Variants in PIK3C3 observed in about 807,000 individuals in gnomAD.
PIK3C3 encodes the protein phosphatidylinositol 3-kinase catalytic subunit type 3, also known as PI3-kinase type 3.
A neutral mutation model predicts 126.1 loss-of-function variants in PIK3C3; 95 were observed. The observed-to-expected ratio is 0.75, with a 90% CI of 0.64 to 0.89. The LOEUF (loss-of-function observed/expected upper bound fraction) is 0.89. PIK3C3 is among the 40% of genes least tolerant of loss of function. The pLI, the probability that PIK3C3 is intolerant of heterozygous loss-of-function variation, is 0.00. For missense variants in PIK3C3, 829 were observed against 1,063.2 expected (o/e 0.78, Z 3.06); for synonymous variants, 374 against 360.0 (o/e 1.04, Z -0.44).
At chr18:41,987,930 T>C in intron 5 of PIK3C3, 32 bp downstream of exon 5, 1 of 1,287,316 alleles carries the variant, frequency 7.8e-7, no homozygotes, top group Non-Finnish European at 1.1e-6. Context: ...TTTTAAAATA[T>C]TTTCTGTAAA....
In PIK3C3 at chr18:42,024,511, C is replaced by T. The variant is rs537882387; in HGVS notation, c.1485-2932C>T. Among the ~76,000 whole-genome samples, 173 of 152,052 alleles carry T rather than the reference C, an allele frequency of 1.1e-3. 1 individual carries two copies. The highest frequency in any genetic ancestry group is 3.4e-4 in the Non-Finnish European group (23 of 68,004). ...AGTGCAATGGTGCGATCTTGGCTCACTGCAACCTCTGCCTCCCAGGTTCAA... is the reference window on the plus strand; with the variant it reads ...AGTGCAATGGTGCGATCTTGGCTCATTGCAACCTCTGCCTCCCAGGTTCAA... On this transcript the variant is annotated intron_variant, in intron 13 of 24. Transcript: ENST00000262039.
chr18:42,020,555 C>A, intron 12 of PIK3C3, 83 bp from the exon 13 acceptor site: 2 of 845,118 alleles, frequency 2.4e-6, no homozygotes, highest in South Asian at 1.7e-5. Flanking sequence ...CAGATGAAAA[C>A]TGATAGGCAA....
At chr18:42,067,906 A>T (rs562883532) in intron 24 of PIK3C3, among the ~76,000 whole-genome samples, 3 of 152,220 alleles carry the variant, frequency 2.0e-5, no homozygotes, top group Non-Finnish European at 4.4e-5. Context: ...CACACACCAG[A>T]AAGGTCTATC....
In PIK3C3 at chr18:41,995,970, T is replaced by C. The variant is rs940837854; in HGVS notation, c.867T>C (p.Asn289=). The C allele has an allele frequency of 1.2e-6, 2 of 1,610,538 alleles. No individual in the cohort carries two copies. The highest frequency in any genetic ancestry group is 1.3e-5 in the African/African-American group (1 of 74,956). Residue 289 remains asparagine (N), a synonymous_variant, in exon 8 of 25, where the codon AAT becomes AAC. Coordinates refer to ENST00000262039, the MANE Select transcript of PIK3C3 (RefSeq NM_002647.4). ...SGPSDHDLKP[N]AATRDQLNII... is the part of the protein sequence containing the mutation. ...CTTCTGACCACGATCTGAAACCCAA[T>C]GCTGCCACGAGAGATCAGTTAAATG...
chr18:42,068,767 A>G (rs776509105), intron 24 of PIK3C3, among the ~76,000 whole-genome samples: 43 of 151,914 alleles, frequency 2.8e-4, no homozygotes, highest in Admixed American at 9.2e-4. Context: ...TGACTAACAC[A>G]GTGAAACCCT....
At chr18:42,030,442 T>C (rs1213275131) in intron 15 of PIK3C3, among the ~76,000 whole-genome samples, 1 of 152,200 alleles carries the variant, frequency 6.6e-6, no homozygotes, top group African/African-American at 2.4e-5. Context: ...TGGTGACCTT[T>C]GTAAAACAAC....
chr18:41,968,123 AT>A (rs1210685701), intron 3 of PIK3C3, among the ~76,000 whole-genome samples: 1 of 152,168 alleles, frequency 6.6e-6, no homozygotes, highest in African/African-American at 2.4e-5. Context: ...TCTTCTCTAG[AT>A]CCATCCCAAG....
rs189480824 is a variant in PIK3C3, at chr18:41,958,409, G to A, written c.257+651G>A. Among the ~76,000 whole-genome samples, 15 of 152,282 alleles carry A rather than the reference G, an allele frequency of 9.9e-5. No homozygotes were observed. In the East Asian group the frequency reaches 2.9e-3, roughly 29 times the overall value. On this transcript the variant is annotated intron_variant, in intron 2 of 24. Transcript: ENST00000262039. Reference sequence around the variant, plus strand: ...GTTATTCAGCACTCTGGTAGGCTCAGTGTAGGATACACAGGCTGTATGCTT... The same window carrying A: ...GTTATTCAGCACTCTGGTAGGCTCAATGTAGGATACACAGGCTGTATGCTT...
Position 42,049,858 on chromosome 18 carries a change from A to G in PIK3C3, c.2263+253A>G, listed in dbSNP as rs147679725. On this transcript the variant is annotated intron_variant, in intron 21 of 24. Transcript: ENST00000262039. ...CGTGGTGGTACATGCCTGTAATCCCAACTACTCAGGAGGCTGAGGCAGGAG... is the reference window on the plus strand; with the variant it reads ...CGTGGTGGTACATGCCTGTAATCCCGACTACTCAGGAGGCTGAGGCAGGAG... 3.8e-4 allele frequency: 105 copies of G among 279,308 alleles called. 2 individuals are homozygous for G. Among genetic ancestry groups the G allele is most frequent in the East Asian group, 2.6e-3 (36 of 13,730 alleles). The allele number at this position is 279,308 out of a possible 1,614,324, so 17.3% of individuals were successfully genotyped here. A position where few individuals can be genotyped will look rare whatever the true frequency, so the allele number is the denominator to read the frequency against.
intron 15 of PIK3C3, among the ~76,000 whole-genome samples, chr18:42,031,404 A>G (rs566068033): frequency 6.6e-6 from 1 of 152,194 alleles, no homozygotes; most frequent in South Asian, 2.1e-4. Context: ...TTGAATTCTA[A>G]TAAAATGCCT....
In PIK3C3 at chr18:41,955,270, T is replaced by C; in HGVS notation, c.-22T>C. ...CCTGTACCTAAGTTCCCGCTGTAGGTGGTACCTTTGCAGACGGTGCGATGG... is the reference window on the plus strand; with the variant it reads ...CCTGTACCTAAGTTCCCGCTGTAGGCGGTACCTTTGCAGACGGTGCGATGG... On this transcript the variant is annotated 5_prime_UTR_variant, in exon 1 of 25. Transcript: ENST00000262039. The C allele has an allele frequency of 6.2e-7, 1 of 1,606,668 alleles. No individual in the cohort carries two copies. Among genetic ancestry groups the C allele is most frequent in the Non-Finnish European group, 8.5e-7 (1 of 1,174,668 alleles).
At chr18:42,080,025 G>GTGTA in intron 24 of PIK3C3, among the ~76,000 whole-genome samples, 1 of 149,576 alleles carries the variant, frequency 6.7e-6, no homozygotes, top group Admixed American at 6.7e-5. Context: ...GTGTGTGTGT[G>GTGTA]TGTATGATTC....
chr18:41,967,362 C>G (rs755786936), intron 3 of PIK3C3, among the ~76,000 whole-genome samples: 4 of 152,200 alleles, frequency 2.6e-5, no homozygotes, highest in Non-Finnish European at 4.4e-5. Flanking sequence ...GTGCCACTAC[C>G]ATTCTCATAA....
In PIK3C3 at chr18:42,029,403, A is replaced by G. The variant is rs1211942525; in HGVS notation, c.1669A>G (p.Lys557Glu). 6.2e-7 allele frequency: 1 copy of G among 1,613,208 alleles called. No homozygotes were observed. The highest frequency in any genetic ancestry group is 1.1e-5 in the South Asian group (1 of 91,082). Residue 557 changes from lysine (K) to glutamate (E), a missense_variant, in exon 15 of 25, where the codon AAG becomes GAG. Physicochemically the swap from Lys to Glu is moderately conservative, Grantham distance 56 (BLOSUM62 1). Transcript: ENST00000262039. ...TGTAGATCGGTTGGTGCATCTAATG[A>G]AGGCAGTACAACGCGAAAGTGGAAA... ...TFVDRLVHLMKAVQRESGNRK... is the reference protein window; with the variant it reads ...TFVDRLVHLMEAVQRESGNRK...
chr18:41,992,051 C>T (rs1223651622), intron 6 of PIK3C3, among the ~76,000 whole-genome samples: 1 of 152,072 alleles, frequency 6.6e-6, no homozygotes, highest in East Asian at 1.9e-4. Flanking sequence ...TGAAAGACAG[C>T]TTGATAGCAG....
At chr18:42,049,985 A>G (rs1409332385) in intron 21 of PIK3C3, 1 of 153,480 alleles carries the variant, frequency 6.5e-6, no homozygotes, top group African/African-American at 2.4e-5. Flanking sequence ...GAAAAAAAAA[A>G]AAAAAAAGAT....
intron 18 of PIK3C3, among the ~76,000 whole-genome samples, chr18:42,039,875 A>G (rs1338026116): frequency 2.0e-5 from 3 of 152,200 alleles, no homozygotes; most frequent in Non-Finnish European, 4.4e-5. Context: ...AAGAAACAAT[A>G]AATACCTGTT....
chr18:41,955,378 C>T lies in PIK3C3; in HGVS notation c.68+19C>T, dbSNP rs758591402. On this transcript the variant is annotated intron_variant, in intron 1 of 24. Transcript: ENST00000262039. The stretch of plus-strand genomic sequence containing the variant: ...TTAAGATGTAAGAGAACACTCGGGA[C>T]AGGGAGTGGGATTGCTGGGGCGTAG... 6.2e-7 allele frequency: 1 copy of T among 1,605,438 alleles called. No individual in the cohort carries two copies. The highest frequency in any genetic ancestry group is 8.5e-7 in the Non-Finnish European group (1 of 1,173,422).
chr18:41,966,260 C>T (rs1357868168), intron 3 of PIK3C3, among the ~76,000 whole-genome samples: 1 of 148,154 alleles, frequency 6.7e-6, no homozygotes, highest in Non-Finnish European at 1.5e-5. Context: ...ACCTCCGCCT[C>T]CTGGGTTCAA....
Sources: gnomAD v4.1 joint callset for allele counts (sites outside exome capture counted in the v4.1 genomes callset) on GRCh38, gnomAD v4.1.1 for gene constraint, MANE v1.5 for transcripts, NCBI Gene and HGNC (gene_info 2026-07-23, HGNC 2026-07-21) for gene names.